Variants in MPP7 observed in about 807,000 individuals in gnomAD.
The protein encoded by MPP7 is MAGUK p55 scaffold protein 7.
In MPP7, 60 loss-of-function variants were observed where a neutral mutation model predicts 76.5. That is an observed-to-expected ratio of 0.78 (90% CI 0.64 to 0.97). The LOEUF is 0.97. MPP7 is among the 50% of genes least tolerant of loss of function. The pLI is 0.00. For synonymous variants in MPP7, 237 were observed against 244.5 expected (o/e 0.97, Z 0.29); for missense variants, 641 against 694.0 (o/e 0.92, Z 0.86).
chr10:28,131,766 C>G, intron 5 of MPP7, 75 bp from the exon 6 acceptor site: 1 of 710,042 alleles, frequency 1.4e-6, no homozygotes, highest in Non-Finnish European at 1.8e-6. Flanking sequence ...TATAAAATTT[C>G]AAACACATCA....
At chr10:28,255,966 C>T (rs1262041622) in intron 1 of MPP7, among the ~76,000 whole-genome samples, 3 of 152,082 alleles carry the variant, frequency 2.0e-5, no homozygotes, top group Non-Finnish European at 4.4e-5. Flanking sequence ...GTGAAATATA[C>T]TTCATACAAA....
intron 11 of MPP7, among the ~76,000 whole-genome samples, chr10:28,103,753 TA>T (rs1295624850): frequency 6.6e-6 from 1 of 152,110 alleles, no homozygotes; most frequent in Non-Finnish European, 1.5e-5. Flanking sequence ...AATATTGTTA[TA>T]AAATCCAGAA....
chr10:28,058,526 T>C lies in MPP7; in HGVS notation c.1376A>G (p.Asn459Ser). The stretch of plus-strand genomic sequence containing the variant: ...CTGAACATCCAACAAACAAACTTTG[T>C]TTTTAGCAAGGACAGACCGAACTGA... ...IDSVRSVLAK[N>S]KVCLLDVQPH... The change falls in exon 15 of 17, where the codon AAC becomes AGC. Residue 459 changes from asparagine to serine, a missense_variant. Physicochemically the swap from Asn to Ser is conservative, Grantham distance 46. Coordinates refer to ENST00000683449, the MANE Select transcript of MPP7 (RefSeq NM_001318170.2). 6.2e-7 allele frequency: 1 copy of C among 1,602,422 alleles called. No homozygotes were observed. Among genetic ancestry groups the C allele is most frequent in the Non-Finnish European group, 8.5e-7 (1 of 1,173,974 alleles).
At chr10:28,185,817 C>A (rs1370524019) in intron 3 of MPP7, among the ~76,000 whole-genome samples, 2 of 152,154 alleles carry the variant, frequency 1.3e-5, no homozygotes, top group Non-Finnish European at 2.9e-5. Flanking sequence ...GGCCTCCAAG[C>A]CAGCCCACAA....
At position 28,056,579 on chromosome 10, in the gene MPP7, T is replaced by C; in HGVS notation, c.1452A>G (p.Ile484Met). 3 of 1,609,694 alleles carry C rather than the reference T, an allele frequency of 1.9e-6. No homozygotes were observed. Among genetic ancestry groups the C allele is most frequent in the Non-Finnish European group, 1.7e-6 (2 of 1,179,060 alleles). ...GCTCTATTGATGGAGGCTTTATAAA[T>C]ATCACATAGGGCTTAAATTCTAGTG... ...LRTLEFKPYV[I>M]FIKPPSIERL... The change falls in exon 16 of 17, where the codon ATA becomes ATG. Residue 484 changes from isoleucine to methionine, a missense_variant. Transcript: ENST00000683449.
intron 11 of MPP7, among the ~76,000 whole-genome samples, chr10:28,109,848 C>CAAAAAAAAAAAAAAAAAAAAAAA (rs869206744): frequency 5.2e-5 from 1 of 19,220 alleles, no homozygotes; most frequent in African/African-American, 2.5e-4. Flanking sequence ...GCCGCAGACG[C>CAAAAAAAAAAAAAAAAAAAAAAA]AAAAAAAAAA....
chr10:28,115,161 G>A (rs1325175061), intron 11 of MPP7, among the ~76,000 whole-genome samples: 1 of 151,942 alleles, frequency 6.6e-6, no homozygotes, highest in Non-Finnish European at 1.5e-5. Flanking sequence ...GGAGTGCAAT[G>A]GCACAATCTC....
At chr10:28,320,873 A>G (rs966380393) in intron 2 of MPP7, among the ~76,000 whole-genome samples, 4 of 151,614 alleles carry the variant, frequency 2.6e-5, no homozygotes, top group Non-Finnish European at 5.9e-5. Flanking sequence ...AACAAAAGGC[A>G]GCACTGGTAA....
chr10:28,296,976 T>C (rs78753714), intron 1 of MPP7, among the ~76,000 whole-genome samples: 15,654 of 152,110 alleles, frequency 0.1, 1,269 homozygotes, highest in East Asian at 0.41. Flanking sequence ...TTAAAAAAAT[T>C]CAACTACTCA....
chr10:28,332,192 A>G (rs1209660344), intron 1 of MPP7, among the ~76,000 whole-genome samples: 1 of 151,698 alleles, frequency 6.6e-6, no homozygotes, highest in Non-Finnish European at 1.5e-5. Context: ...ACCACGTTTT[A>G]AGCAACTTAG....
At position 28,056,566 on chromosome 10, in the gene MPP7, G is replaced by A. The variant is rs754102923; in HGVS notation, c.1465C>T (p.Pro489Ser). 6.2e-7 allele frequency: 1 copy of A among 1,611,268 alleles called. No homozygotes were observed. Among genetic ancestry groups the A allele is most frequent in the Non-Finnish European group, 8.5e-7 (1 of 1,179,250 alleles). The change falls in exon 16 of 17, where the codon CCA becomes TCA. Residue 489 changes from proline to serine, a missense_variant. Transcript: ENST00000683449. ...GTTTCTCTCAAACGCTCTATTGATG[G>A]AGGCTTTATAAATATCACATAGGGC... ...FKPYVIFIKPPSIERLRETRK... is the reference protein window; with the variant it reads ...FKPYVIFIKPSSIERLRETRK...
At chr10:28,213,375 C>A (rs7893935) in intron 2 of MPP7, among the ~76,000 whole-genome samples, 2 of 151,844 alleles carry the variant, frequency 1.3e-5, no homozygotes, top group Admixed American at 6.6e-5. Context: ...AGATGCCCCA[C>A]GTGGGGCAAA....
chr10:28,304,952 C>CAGT (rs61344374), upstream of MPP7, among the ~76,000 whole-genome samples: 17,919 of 151,818 alleles, frequency 0.12, 1,676 homozygotes, highest in East Asian at 0.48. Flanking sequence ...CTGTTTTTAT[C>CAGT]AGAAGATGGA....
At position 28,075,512 on chromosome 10, in the gene MPP7, G is replaced by A. The variant is rs73606042; in HGVS notation, c.1124-5660C>T. 7.1e-3 allele frequency among the ~76,000 whole-genome samples: 1,083 copies of A among 152,246 alleles called. 14 individuals carry two copies. Among genetic ancestry groups the A allele is most frequent in the African/African-American group, 0.025 (1,035 of 41,550 alleles). ...GGTTTATATAGATTGCACGACGCAA[G>A]TTACTATGATCTCTCCTCTTAATTC... On this transcript the variant is annotated intron_variant, in intron 12 of 16. Coordinates refer to ENST00000683449, the MANE Select transcript of MPP7 (RefSeq NM_001318170.2).
chr10:28,126,902 G>T (rs1240517225), intron 6 of MPP7, among the ~76,000 whole-genome samples: 1 of 152,148 alleles, frequency 6.6e-6, no homozygotes, highest in Non-Finnish European at 1.5e-5. Flanking sequence ...AACAATTAGA[G>T]AAAGAGACAC....
At chr10:28,327,800 G>A (rs1485023332) in intron 2 of MPP7, among the ~76,000 whole-genome samples, 1 of 152,166 alleles carries the variant, frequency 6.6e-6, no homozygotes, top group Non-Finnish European at 1.5e-5. Flanking sequence ...TTATATTCGT[G>A]AGTGTGCACT....
chr10:28,107,770 G>A (rs1056594662), intron 11 of MPP7, among the ~76,000 whole-genome samples: 12 of 152,128 alleles, frequency 7.9e-5, no homozygotes, highest in African/African-American at 2.7e-4. Flanking sequence ...ACCCCAGCCT[G>A]AACAGATCCA....
chr10:28,326,043 T>C (rs577396342), intron 2 of MPP7, among the ~76,000 whole-genome samples: 48 of 151,942 alleles, frequency 3.2e-4, no homozygotes, highest in African/African-American at 1.0e-3. Flanking sequence ...GTTAACTTTA[T>C]AGGACACGGC....
intron 2 of MPP7, among the ~76,000 whole-genome samples, chr10:28,324,294 C>G (rs1278016456): frequency 3.9e-5 from 6 of 152,218 alleles, no homozygotes; most frequent in Admixed American, 3.3e-4. Flanking sequence ...GACACCAAAT[C>G]TGCCAGCGCC....
Sources: allele counts gnomAD v4.1 joint callset (sites outside exome capture counted in the v4.1 genomes callset), GRCh38; gene constraint gnomAD v4.1.1; transcripts MANE v1.5; gene names NCBI Gene and HGNC (gene_info 2026-07-23, HGNC 2026-07-21).